Variants in DNAJA2 observed in about 807,000 individuals in gnomAD.
The protein encoded by DNAJA2 is dnaJ homolog subfamily A member 2.
A neutral mutation model predicts 49.3 loss-of-function variants in DNAJA2; 6 were observed. The ratio of observed to expected loss-of-function variants is 0.12; its 90% confidence interval spans 0.07 to 0.24. The LOEUF is 0.24. DNAJA2 is among the 10% of genes least tolerant of loss of function. The pLI is 1.00. For synonymous variants in DNAJA2, 160 were observed against 172.7 expected (o/e 0.93, Z 0.58); for missense variants, 347 against 516.8 (o/e 0.67, Z 3.19).
chr16:46,969,056 G>C (rs1230893106), intron 3 of DNAJA2, among the ~76,000 whole-genome samples: 1 of 152,032 alleles, frequency 6.6e-6, no homozygotes, highest in African/African-American at 2.4e-5. Context: ...TATGTGTGGA[G>C]TTTTCTACTT....
chr16:46,968,618 A>G (rs1432668426), intron 3 of DNAJA2, among the ~76,000 whole-genome samples: 1 of 152,222 alleles, frequency 6.6e-6, no homozygotes, highest in Admixed American at 6.5e-5. Context: ...CTGGCTCCAG[A>G]GTCCCTGTTT....
intron 3 of DNAJA2, 79 bp downstream of exon 3, chr16:46,971,270 A>T: frequency 7.9e-7 from 1 of 1,264,256 alleles, no homozygotes; most frequent in South Asian, 1.4e-5. Flanking sequence ...ACACTCTATG[A>T]GATTTTTCAT....
chr16:46,964,262 C>A (rs1961937817), intron 6 of DNAJA2, among the ~76,000 whole-genome samples: 1 of 152,004 alleles, frequency 6.6e-6, no homozygotes, highest in South Asian at 2.1e-4. Flanking sequence ...GTCCCAACTA[C>A]TCGGGAGGCT....
At chr16:46,965,528 G>A (rs183356869) in intron 5 of DNAJA2, among the ~76,000 whole-genome samples, 3 of 152,086 alleles carry the variant, frequency 2.0e-5, no homozygotes, top group African/African-American at 7.2e-5. Flanking sequence ...TGCAAAACAC[G>A]TTCTTCAAAA....
At chr16:46,965,539 T>C (rs1284546973) in intron 5 of DNAJA2, among the ~76,000 whole-genome samples, 1 of 152,120 alleles carries the variant, frequency 6.6e-6, no homozygotes, top group African/African-American at 2.4e-5. Context: ...TTCTTCAAAA[T>C]GGTAATAGTG....
intron 3 of DNAJA2, among the ~76,000 whole-genome samples, 164 bp from the exon 4 acceptor site, chr16:46,968,328 G>A (rs1428210162): frequency 1.3e-5 from 2 of 152,082 alleles, no homozygotes; most frequent in African/African-American, 4.8e-5. Context: ...TTATATTATG[G>A]CTCAAATTAA....
chr16:46,971,735 TG>T, intron 2 of DNAJA2, 160 bp downstream of exon 2: 1 of 840,770 alleles, frequency 1.2e-6, no homozygotes, highest in Non-Finnish European at 1.9e-6. Context: ...CTCCTCAGAA[TG>T]GTAGTACTCT....
chr16:46,959,432 C>A lies in DNAJA2; in HGVS notation c.775-13G>T. Reference sequence around the variant, plus strand: ...CTCTCTGAAATACCTATAAATAAAGCACAAAAGAAATACATTTTCTTAAAA... The same window carrying A: ...CTCTCTGAAATACCTATAAATAAAGAACAAAAGAAATACATTTTCTTAAAA... On this transcript the variant is annotated splice_polypyrimidine_tract_variant and intron_variant, in intron 6 of 8. Coordinates refer to ENST00000317089, the MANE Select transcript of DNAJA2 (RefSeq NM_005880.4). 1.2e-6 allele frequency: 2 copies of A among 1,600,270 alleles called. No homozygotes were observed. The highest frequency in any genetic ancestry group is 2.2e-5 in the East Asian group (1 of 44,704).
At chr16:46,965,412 T>C (rs1961954748) in intron 5 of DNAJA2, among the ~76,000 whole-genome samples, 1 of 152,184 alleles carries the variant, frequency 6.6e-6, no homozygotes, top group Non-Finnish European at 1.5e-5. Context: ...AAAAACTGCG[T>C]CACTTTCTAA....
Position 46,957,229 on chromosome 16 carries a change from A to G in DNAJA2, c.1048-9T>C, listed in dbSNP as rs1567352032. ...AGAAGATCTTCTAGTTCCTTTATTA[A>G]AACAAACAAAAACCAGGTTGGTTGT... is the stretch of plus-strand genomic sequence containing the variant. On this transcript the variant is annotated splice_polypyrimidine_tract_variant and intron_variant, in intron 8 of 8. Coordinates refer to ENST00000317089, the MANE Select transcript of DNAJA2 (RefSeq NM_005880.4). The G allele has an allele frequency of 6.4e-7, 1 of 1,567,340 alleles. No individual in the cohort carries two copies. Among genetic ancestry groups the G allele is most frequent in the East Asian group, 2.2e-5 (1 of 44,476 alleles).
chr16:46,961,669 AATGATT>A (rs1191847457), intron 6 of DNAJA2, among the ~76,000 whole-genome samples: 2 of 152,170 alleles, frequency 1.3e-5, no homozygotes, highest in African/African-American at 4.8e-5. Context: ...TTCAATAAAA[AATGATT>A]ATGATTATCA....
At position 46,966,032 on chromosome 16, in the gene DNAJA2, T is replaced by G. The variant is rs183320609; in HGVS notation, c.578-1225A>C. 2.8e-3 allele frequency among the ~76,000 whole-genome samples: 432 copies of G among 151,974 alleles called. 1 individual carries two copies. The highest frequency in any genetic ancestry group is 0.01 in the Middle Eastern group (3 of 294). On this transcript the variant is annotated intron_variant, in intron 5 of 8. Transcript: ENST00000317089. ...TGAACCCAGGAGTTCGAGACCAGCCTGGGCAACGTGGCAAAACCCCATCTC... is the reference window on the plus strand; with the variant it reads ...TGAACCCAGGAGTTCGAGACCAGCCGGGGCAACGTGGCAAAACCCCATCTC...
rs764049955 is a variant in DNAJA2, at chr16:46,971,578, A to G, written c.139-6T>C. On this transcript the variant is annotated splice_polypyrimidine_tract_variant and splice_region_variant and intron_variant, in intron 2 of 8. Transcript: ENST00000317089. Reference sequence around the variant, plus strand: ...GCAAAACTTATTTCTTTAAACTATAAAGAAAAGGTAAAAATAAAAATAATT... The same window carrying G: ...GCAAAACTTATTTCTTTAAACTATAGAGAAAAGGTAAAAATAAAAATAATT... 4.5e-6 allele frequency: 7 copies of G among 1,556,444 alleles called. No individual in the cohort carries two copies. The African/African-American group carries it at 9.7e-5, about 22-fold the overall frequency.
intron 3 of DNAJA2, among the ~76,000 whole-genome samples, chr16:46,970,858 G>A (rs888005098): frequency 4.0e-5 from 6 of 150,382 alleles, no homozygotes; most frequent in African/African-American, 1.5e-4. Flanking sequence ...GACCAACATG[G>A]AGAAACCCCA....
chr16:46,971,848 T>A (rs767562667), intron 2 of DNAJA2, 48 bp downstream of exon 2: 2 of 1,503,880 alleles, frequency 1.3e-6, no homozygotes, highest in South Asian at 2.3e-5. Context: ...GAGGGCAATT[T>A]AAGTTAAAGC....
At chr16:46,960,429 AGTGTTCC>A (rs1175196135) in intron 6 of DNAJA2, among the ~76,000 whole-genome samples, 8 of 152,238 alleles carry the variant, frequency 5.3e-5, no homozygotes, top group African/African-American at 1.9e-4. Flanking sequence ...CATATATTCA[AGTGTTCC>A]TCACAATGGG....
Position 46,973,595 on chromosome 16 carries a change from G to A in DNAJA2, c.-23C>T, listed in dbSNP as rs764473484. ...CATGGCGGCCGGCCGGGCAGTGCTC[G>A]GGGAGAAGGTGGCGAAGCAGACAGA... is the stretch of plus-strand genomic sequence containing the variant. On this transcript the variant is annotated 5_prime_UTR_variant, in exon 1 of 9. Transcript: ENST00000317089. 1 of 1,589,076 alleles carries A rather than the reference G, an allele frequency of 6.3e-7. No homozygotes were observed. The highest frequency in any genetic ancestry group is 8.5e-7 in the Non-Finnish European group (1 of 1,173,936).
chr16:46,958,800 C>T, intron 8 of DNAJA2: 1 of 491,224 alleles, frequency 2.0e-6, no homozygotes, highest in Non-Finnish European at 3.4e-6. Flanking sequence ...TTTAAATTAG[C>T]CAGGCATGGC....
intron 3 of DNAJA2, among the ~76,000 whole-genome samples, chr16:46,970,043 CAGAT>C (rs1382164989): frequency 6.6e-6 from 1 of 152,114 alleles, no homozygotes; most frequent in Non-Finnish European, 1.5e-5. Flanking sequence ...TCAAAGTTAA[CAGAT>C]AACATGACTT....
Sources: gnomAD v4.1 joint callset for allele counts (sites outside exome capture counted in the v4.1 genomes callset) on GRCh38, gnomAD v4.1.1 for gene constraint, MANE v1.5 for transcripts, NCBI Gene and HGNC (gene_info 2026-07-23, HGNC 2026-07-21) for gene names.